The following CSMD1 variants were observed in gnomAD, a reference collection of about 807,000 sequenced individuals.
CSMD1 encodes CUB and Sushi multiple domains 1.
In CSMD1, 213 loss-of-function variants were observed where a neutral mutation model predicts 417.5. The ratio of observed to expected loss-of-function variants is 0.51; its 90% CI spans 0.46 to 0.57. CSMD1 has a LOEUF of 0.57. Ranked by LOEUF, CSMD1 falls within the 20% of genes least tolerant of loss-of-function variation. The pLI, the probability that CSMD1 is intolerant of heterozygous loss-of-function variation, is 0.00. For missense variants in CSMD1, 6,923 were observed against 4,529.7 expected (o/e 1.53, Z -15.17); for synonymous variants, 2,862 against 1,736.8 (o/e 1.65, Z -16.11).
intron 5 of CSMD1, among the ~76,000 whole-genome samples, chr8:3,778,340 G>C (rs868781207): frequency 2.0e-5 from 3 of 152,208 alleles, no homozygotes; most frequent in African/African-American, 7.2e-5. Flanking sequence ...AGGGAAACCT[G>C]TGTAATCACC....
At chr8:4,151,550 CATTAA>C (rs1431586664) in intron 3 of CSMD1, among the ~76,000 whole-genome samples, 1 of 152,076 alleles carries the variant, frequency 6.6e-6, no homozygotes, top group Non-Finnish European at 1.5e-5. Flanking sequence ...TATACCATAA[CATTAA>C]ATTAACATGG....
chr8:4,513,187 G>A (rs1802919730), intron 2 of CSMD1, among the ~76,000 whole-genome samples: 1 of 152,174 alleles, frequency 6.6e-6, no homozygotes, highest in South Asian at 2.1e-4. Context: ...TTCATTGATT[G>A]TAATAAATGT....
intron 2 of CSMD1, among the ~76,000 whole-genome samples, chr8:4,445,289 C>T (rs533421360): frequency 9.9e-5 from 15 of 152,132 alleles, no homozygotes; most frequent in African/African-American, 2.7e-4. Context: ...TATGACATTC[C>T]GTTAGTTATA....
chr8:4,123,487 T>C lies in CSMD1; in HGVS notation c.416-91388A>G, dbSNP rs1012505074. Reference sequence around the variant, plus strand: ...TTGTGGGTAAATCAGTGCAGTTGAATTGCTTTTAGAAGATTCGGGACTGTG... The same window carrying C: ...TTGTGGGTAAATCAGTGCAGTTGAACTGCTTTTAGAAGATTCGGGACTGTG... On this transcript the variant is annotated intron_variant, in intron 3 of 69. Transcript: ENST00000635120. Among the ~76,000 whole-genome samples the C allele has an allele frequency of 6.6e-5, 10 of 152,248 alleles. 1 individual carries two copies. Among genetic ancestry groups the C allele is most frequent in the Non-Finnish European group, 1.5e-4 (10 of 68,038 alleles).
At chr8:4,312,219 T>C (rs1798623821) in intron 3 of CSMD1, among the ~76,000 whole-genome samples, 1 of 151,808 alleles carries the variant, frequency 6.6e-6, no homozygotes, top group African/African-American at 2.4e-5. Context: ...ATGTGTAGAA[T>C]GCATAGATAG....
At chr8:3,052,403 G>GA in intron 50 of CSMD1, 59 bp downstream of exon 50, 1 of 1,405,616 alleles carries the variant, frequency 7.1e-7, no homozygotes, top group South Asian at 1.4e-5. Context: ...GACTTCTCCC[G>GA]AAAGCATTCA....
Position 4,120,589 on chromosome 8 carries a change from C to A in CSMD1, c.416-88490G>T, listed in dbSNP as rs562927749. 8.5e-5 allele frequency among the ~76,000 whole-genome samples: 13 copies of A among 152,310 alleles called. No individual in the cohort carries two copies. In the East Asian group the frequency reaches 1.5e-3, roughly 18 times the overall value. ...CGGGAGGCTTTCAAATGGCCTGTGG[C>A]CTCACACTTTTGGGTGCCAAATAGA... On this transcript the variant is annotated intron_variant, in intron 3 of 69. Coordinates refer to ENST00000635120, the MANE Select transcript of CSMD1 (RefSeq NM_033225.6).
In CSMD1 at chr8:3,157,905, A is replaced by G. The variant is rs1327313689; in HGVS notation, c.5906T>C (p.Leu1969Pro). Residue 1969 changes from leucine to proline, a missense_variant, in exon 39 of 70, where the codon CTG becomes CCG. Transcript: ENST00000635120. Reference sequence around the variant, plus strand: ...AGAAGGTGCATCCTTACCAATGCACAGGGGAGACGGATAGTTCCAACGGCG... The same window carrying G: ...AGAAGGTGCATCCTTACCAATGCACGGGGGAGACGGATAGTTCCAACGGCG... The part of the protein sequence containing the change: ...TVRRWNYPSP[L>P]CIATCGGTLS... 6.4e-7 allele frequency: 1 copy of G among 1,553,824 alleles called. No homozygotes were observed. Among genetic ancestry groups the G allele is most frequent in the Admixed American group, 1.9e-5 (1 of 51,288 alleles).
intron 1 of CSMD1, among the ~76,000 whole-genome samples, chr8:4,935,811 G>A (rs1405769013): frequency 2.0e-5 from 3 of 152,222 alleles, no homozygotes; most frequent in African/African-American, 7.2e-5. Flanking sequence ...TGCAACTTGA[G>A]AGAGTGCTCG....
At chr8:3,394,031 T>A (rs1490371054) in intron 17 of CSMD1, among the ~76,000 whole-genome samples, 1 of 73,758 alleles carries the variant, frequency 1.4e-5, no homozygotes, top group East Asian at 3.1e-4. Context: ...TATATATATA[T>A]ATATATATAT....
chr8:4,024,970 G>A (rs1470357436), intron 4 of CSMD1, among the ~76,000 whole-genome samples: 1 of 152,234 alleles, frequency 6.6e-6, no homozygotes, highest in Non-Finnish European at 1.5e-5. Flanking sequence ...AGTACGATTG[G>A]CCTGGGCTAG....
rs139942240 is a variant in CSMD1 at position 3,987,857 on chromosome 8, G to T, written c.818+10046C>A. ...AATTGACAGCCTGCCAAAAAGAAAT[G>T]GTTCAGGGTCCAATCTGTTTGGCAC... is the stretch of plus-strand genomic sequence containing the variant. On this transcript the variant is annotated intron_variant, in intron 5 of 69. Transcript: ENST00000635120. Among the ~76,000 whole-genome samples the T allele has an allele frequency of 1.2e-3, 182 of 152,258 alleles. 4 individuals carry two copies. Among genetic ancestry groups the T allele is most frequent in the Admixed American group, 0.012 (179 of 15,294 alleles).
intron 3 of CSMD1, among the ~76,000 whole-genome samples, chr8:4,051,875 C>CTTTCTCT (rs397792890): frequency 7.6e-6 from 1 of 132,382 alleles, no homozygotes; most frequent in Non-Finnish European, 1.6e-5. Flanking sequence ...TTTCCTTCCT[C>CTTTCTCT]CTTTCTTCCT....
intron 11 of CSMD1, among the ~76,000 whole-genome samples, chr8:3,478,461 A>C (rs7832661): frequency 2.0e-5 from 3 of 151,978 alleles, no homozygotes; most frequent in African/African-American, 7.2e-5. Context: ...TAAAACACAA[A>C]TATCAGGCCT....
chr8:4,559,454 T>C (rs1798232882), intron 2 of CSMD1, among the ~76,000 whole-genome samples: 1 of 152,166 alleles, frequency 6.6e-6, no homozygotes. Flanking sequence ...GGGGTTAAAA[T>C]ATATAACCAT....
intron 5 of CSMD1, among the ~76,000 whole-genome samples, chr8:3,772,436 C>T (rs866177751): frequency 0.016 from 1,013 of 62,940 alleles, 387 homozygotes; most frequent in African/African-American, 0.018. Flanking sequence ...TATATACATA[C>T]ATTTATATAT....
At chr8:3,209,377 C>T (rs754021244) in intron 30 of CSMD1, among the ~76,000 whole-genome samples, 13 of 151,980 alleles carry the variant, frequency 8.6e-5, no homozygotes, top group Admixed American at 7.2e-4. Flanking sequence ...AGTACAGTGG[C>T]GTGATCTCGG....
chr8:4,581,999 G>A (rs1799441635), intron 2 of CSMD1, among the ~76,000 whole-genome samples: 1 of 152,174 alleles, frequency 6.6e-6, no homozygotes, highest in Non-Finnish European at 1.5e-5. Flanking sequence ...TAAAATCTCA[G>A]TAGCCTACGA....
At chr8:3,399,119 C>T (rs1811879995) in intron 16 of CSMD1, among the ~76,000 whole-genome samples, 1 of 152,096 alleles carries the variant, frequency 6.6e-6, no homozygotes, top group Non-Finnish European at 1.5e-5. Context: ...AGGTCCCAAA[C>T]CCAGAGTCAG....
Sources: allele counts gnomAD v4.1 joint callset (sites outside exome capture counted in the v4.1 genomes callset), GRCh38; gene constraint gnomAD v4.1.1; transcripts MANE v1.5; gene names NCBI Gene and HGNC (gene_info 2026-07-23, HGNC 2026-07-21).